The following VEZT variants were observed in gnomAD, a reference collection of about 807,000 sequenced individuals.
VEZT encodes the protein vezatin, adherens junctions transmembrane protein, also known as vezatin.
A neutral mutation model predicts 79.9 loss-of-function variants in VEZT; 39 were observed. The observed-to-expected ratio is 0.49, with a 90% CI of 0.38 to 0.64. The LOEUF (loss-of-function observed/expected upper bound fraction) is 0.64, where lower values mean the gene tolerates loss of function less well. Ranked by LOEUF, VEZT falls within the 30% of genes least tolerant of loss-of-function variation. VEZT has a pLI of 0.00. For synonymous variants in VEZT, 325 were observed against 327.6 expected (o/e 0.99, Z 0.09); for missense variants, 837 against 893.1 (o/e 0.94, Z 0.80).
intron 7 of VEZT, among the ~76,000 whole-genome samples, chr12:95,278,457 A>G (rs763174526): frequency 7.2e-5 from 11 of 152,208 alleles, no homozygotes; most frequent in Non-Finnish European, 1.5e-4. Context: ...CCTTATCTTG[A>G]GGAGCTCTAT....
chr12:95,273,170 T>A (rs1033717823), intron 6 of VEZT, among the ~76,000 whole-genome samples: 4 of 152,168 alleles, frequency 2.6e-5, no homozygotes, highest in African/African-American at 9.6e-5. Context: ...ATGCAAAATA[T>A]GAAACTATTT....
In VEZT at chr12:95,300,418, G is replaced by C. The variant is rs769793926; in HGVS notation, c.2085G>C (p.Glu695Asp). Residue 695 changes from glutamate to aspartate, a missense_variant, in exon 12 of 12, where the codon GAG (glutamate) becomes GAC (aspartate). Physicochemically the swap from Glu to Asp is conservative, Grantham distance 45. Coordinates refer to ENST00000436874, the MANE Select transcript of VEZT (RefSeq NM_017599.4). ...AAGAAAGAATGTGTTACCAATGTGAGAGTGAAGATGAACCACAAGCAGATG... is the reference window on the plus strand; with the variant it reads ...AAGAAAGAATGTGTTACCAATGTGACAGTGAAGATGAACCACAAGCAGATG... ...GAEERMCYQCESEDEPQADGS... is the reference protein window; with the variant it reads ...GAEERMCYQCDSEDEPQADGS... 4 of 1,613,882 alleles carry C rather than the reference G, an allele frequency of 2.5e-6. No individual in the cohort carries two copies. The East Asian group carries it at 8.9e-5, about 36-fold the overall frequency.
At chr12:95,283,162 A>G (rs1202958423) in intron 8 of VEZT, among the ~76,000 whole-genome samples, 2 of 152,230 alleles carry the variant, frequency 1.3e-5, no homozygotes, top group African/African-American at 4.8e-5. Flanking sequence ...TGTAGAGTCT[A>G]GAGTTTATAT....
At chr12:95,217,936 G>T in intron 1 of VEZT, 50 bp downstream of exon 1, 1 of 1,449,822 alleles carries the variant, frequency 6.9e-7, no homozygotes, top group Non-Finnish European at 9.1e-7. Flanking sequence ...TGAGAAGGAC[G>T]AGACGGAAAT....
chr12:95,296,014 C>A, intron 10 of VEZT, 37 bp from the exon 11 acceptor site: 1 of 1,419,480 alleles, frequency 7.0e-7, no homozygotes, highest in Non-Finnish European at 9.5e-7. Context: ...GAATTGTTTG[C>A]TTCAAGTAAA....
intron 1 of VEZT, among the ~76,000 whole-genome samples, chr12:95,219,794 T>G (rs554308743): frequency 6.6e-6 from 1 of 152,366 alleles, no homozygotes; most frequent in South Asian, 2.1e-4. Context: ...AACAACAGCC[T>G]TAACAGTTTC....
At chr12:95,262,804 GAAAAT>G (rs3830322) in intron 3 of VEZT, 97 bp from the exon 4 acceptor site, 259,563 of 1,127,208 alleles carry the variant, frequency 0.23, 31,139 homozygotes, top group African/African-American at 0.39. Context: ...AGTATCTTCT[GAAAAT>G]AAACACCACC....
intron 8 of VEZT, among the ~76,000 whole-genome samples, chr12:95,283,834 G>A (rs370929308): frequency 6.6e-6 from 1 of 152,196 alleles, no homozygotes; most frequent in Admixed American, 6.5e-5. Context: ...AAATGCTAAC[G>A]AGGCTCTTAG....
At chr12:95,224,453 A>G (rs531509467) in intron 1 of VEZT, among the ~76,000 whole-genome samples, 10 of 152,182 alleles carry the variant, frequency 6.6e-5, no homozygotes, top group Non-Finnish European at 7.4e-5. Context: ...AGCTGGGACT[A>G]CAGGCAGGTG....
chr12:95,298,126 T>TAAC (rs1356896570), intron 11 of VEZT, among the ~76,000 whole-genome samples: 6 of 148,988 alleles, frequency 4.0e-5, no homozygotes, highest in Admixed American at 1.3e-4. Context: ...TCTCAAAAAA[T>TAAC]AATAATAATA....
intron 1 of VEZT, among the ~76,000 whole-genome samples, chr12:95,222,685 T>TA (rs1481313915): frequency 1.3e-5 from 2 of 151,980 alleles, no homozygotes. Flanking sequence ...TGTAAAAAAA[T>TA]AAAAAATAAA....
intron 1 of VEZT, among the ~76,000 whole-genome samples, chr12:95,235,577 G>T (rs2059985531): frequency 7.0e-6 from 1 of 143,746 alleles, no homozygotes; most frequent in African/African-American, 2.6e-5. Context: ...CGGGGCGGCT[G>T]GCCGGGCAGA....
chr12:95,272,853 A>G (rs1267869038), intron 6 of VEZT, among the ~76,000 whole-genome samples: 1 of 152,090 alleles, frequency 6.6e-6, no homozygotes, highest in Non-Finnish European at 1.5e-5. Context: ...TTCTCATGTG[A>G]TCCTCCTGCC....
chr12:95,294,429 C>CA, intron 10 of VEZT, 57 bp downstream of exon 10: 1 of 1,306,132 alleles, frequency 7.7e-7, no homozygotes, highest in Non-Finnish European at 1.1e-6. Context: ...TAATGAGCTT[C>CA]AAAATTACAA....
intron 3 of VEZT, among the ~76,000 whole-genome samples, chr12:95,260,745 C>A (rs1202216059): frequency 6.6e-6 from 1 of 152,172 alleles, no homozygotes; most frequent in Non-Finnish European, 1.5e-5. Flanking sequence ...ATGGCTGTGT[C>A]TAATTGGGGA....
At chr12:95,285,085 CAAAAA>C (rs1165581329) in intron 8 of VEZT, among the ~76,000 whole-genome samples, 25 of 44,664 alleles carry the variant, frequency 5.6e-4, no homozygotes, top group African/African-American at 2.1e-3. Context: ...GACTCTGTCT[CAAAAA>C]AAAAAAAAAA....
intron 9 of VEZT, among the ~76,000 whole-genome samples, chr12:95,293,386 A>C (rs1316583145): frequency 6.6e-6 from 1 of 151,002 alleles, no homozygotes; most frequent in Admixed American, 6.8e-5. Context: ...AAAATCAACA[A>C]GTTTAAACCA....
chr12:95,235,121 A>G (rs1162753944), intron 1 of VEZT, among the ~76,000 whole-genome samples: 2 of 151,726 alleles, frequency 1.3e-5, no homozygotes, highest in Non-Finnish European at 2.9e-5. Context: ...CCCCCTTTCT[A>G]TTCCACAAAA....
At chr12:95,259,363 T>C (rs994076828) in intron 3 of VEZT, among the ~76,000 whole-genome samples, 3 of 152,224 alleles carry the variant, frequency 2.0e-5, no homozygotes, top group Admixed American at 1.3e-4. Flanking sequence ...TGTGCTTTTC[T>C]TTATTGTTTC....
Sources: gnomAD v4.1 joint callset for allele counts (sites outside exome capture counted in the v4.1 genomes callset) on GRCh38, gnomAD v4.1.1 for gene constraint, MANE v1.5 for transcripts, NCBI Gene and HGNC (gene_info 2026-07-23, HGNC 2026-07-21) for gene names.